EVL: variants seen among roughly 807,000 people sequenced by gnomAD.
EVL encodes the protein Enah/Vasp-like.
EVL carries 21 observed loss-of-function variants against 59.6 expected under a neutral mutation model. That is an observed-to-expected ratio of 0.35 (90% CI 0.25 to 0.51). The LOEUF (loss-of-function observed/expected upper bound fraction) is 0.51. EVL is among the 20% of genes least tolerant of loss of function. EVL has a pLI of 0.97. For missense variants in EVL, 462 were observed against 546.6 expected (o/e 0.85, Z 1.54); for synonymous variants, 198 against 203.5 (o/e 0.97, Z 0.23).
rs1357008458 is a variant in EVL at position 99,972,764 on chromosome 14, C to T, written c.5+707C>T. The stretch of plus-strand genomic sequence containing the variant: ...CTCCCAGTCGCTAAACCCTCCCTTC[C>T]TCTCCAGATCCTGTCGTGACTTTTT... On this transcript the variant is annotated intron_variant, in intron 1 of 13. Coordinates refer to the EVL transcript ENST00000402714. The surrounding 1 kb of genome is among the most constrained non-coding windows in gnomAD (Gnocchi z 4.4). 6.6e-6 allele frequency among the ~76,000 whole-genome samples: 1 copy of T among 152,100 alleles called. No individual in the cohort carries two copies. The highest frequency in any genetic ancestry group is 1.5e-5 in the Non-Finnish European group (1 of 68,014).
intron 1 of EVL, among the ~76,000 whole-genome samples, chr14:100,047,116 C>CTTT (rs1158933445): frequency 7.0e-5 from 2 of 28,418 alleles, no homozygotes; most frequent in Non-Finnish European, 1.0e-4. Flanking sequence ...AGATCTCTCT[C>CTTT]TCTTTTTTTT....
chr14:100,022,676 A>G (rs1308414448), intron 1 of EVL, among the ~76,000 whole-genome samples: 1 of 152,254 alleles, frequency 6.6e-6, no homozygotes, highest in Non-Finnish European at 1.5e-5. Flanking sequence ...TAAAAACAAC[A>G]GAATCCTGCC....
In EVL at chr14:100,143,851, C is replaced by G; in HGVS notation, c.*113C>G. On this transcript the variant is annotated 3_prime_UTR_variant, in exon 14 of 14. Transcript: ENST00000392920. ...CAGAGCACGCACAGGAGCCTGGGCG[C>G]GCTGCTGTGAAACGTCCTGACCTGT... 1 of 1,313,496 alleles carries G rather than the reference C, an allele frequency of 7.6e-7. No individual in the cohort carries two copies. The highest frequency in any genetic ancestry group is 1.1e-6 in the Non-Finnish European group (1 of 944,536). 81.4% of individuals were successfully genotyped at this position (1,313,496 alleles called of 1,614,324 possible).
chr14:100,021,161 T>C (rs189982679), intron 1 of EVL, among the ~76,000 whole-genome samples: 396 of 152,360 alleles, frequency 2.6e-3, no homozygotes, highest in African/African-American at 8.9e-3. Context: ...GAAGTACCCC[T>C]GTCTACCCTC....
At chr14:99,978,586 TA>T (rs890071782) in intron 1 of EVL, among the ~76,000 whole-genome samples, 2 of 152,214 alleles carry the variant, frequency 1.3e-5, no homozygotes, top group African/African-American at 4.8e-5. Flanking sequence ...CGTGTATATT[TA>T]CCTGTACCTG....
chr14:100,020,704 A>C (rs1447501961), intron 1 of EVL, among the ~76,000 whole-genome samples: 1 of 152,234 alleles, frequency 6.6e-6, no homozygotes, highest in African/African-American at 2.4e-5. Context: ...AGAAAACTAC[A>C]GACCTGTTAG....
chr14:100,128,400 C>T, intron 5 of EVL, 119 bp from the exon 6 acceptor site: 1 of 1,009,970 alleles, frequency 9.9e-7, no homozygotes, highest in Non-Finnish European at 1.6e-6. Context: ...GGAGCTGTTT[C>T]TCATCCCTTT....
At chr14:100,053,312 ATATAT>A (rs777760170) in intron 1 of EVL, among the ~76,000 whole-genome samples, 10 of 151,882 alleles carry the variant, frequency 6.6e-5, no homozygotes, top group African/African-American at 1.4e-4. Context: ...CTTCTAATGG[ATATAT>A]TATATTTCTT....
intron 11 of EVL, 157 bp from the exon 12 acceptor site, chr14:100,141,023 T>C (rs1951486): frequency 0.55 from 331,437 of 597,632 alleles, 96,034 homozygotes; most frequent in Admixed American, 0.61. Flanking sequence ...GGGCGTTAAA[T>C]CCTTCTCAGG....
At chr14:100,137,841 T>G in intron 11 of EVL, 39 bp downstream of exon 11, 1 of 1,599,118 alleles carries the variant, frequency 6.3e-7, no homozygotes, top group Non-Finnish European at 8.6e-7. Flanking sequence ...CCCCCAGGGT[T>G]TGGGGCTCCT....
intron 1 of EVL, among the ~76,000 whole-genome samples, chr14:100,041,201 A>G (rs1224829305): frequency 6.6e-6 from 1 of 152,192 alleles, no homozygotes; most frequent in Non-Finnish European, 1.5e-5. Context: ...AAAAGGAGGA[A>G]GTTATGATTG....
At chr14:100,104,902 CTTTTTTTTTTT>C (rs568203851) in intron 3 of EVL, among the ~76,000 whole-genome samples, 5 of 99,524 alleles carry the variant, frequency 5.0e-5, no homozygotes, top group Non-Finnish European at 9.5e-5. Context: ...CCTCTCTTTA[CTTTTTTTTTTT>C]TTTTTTTTTT....
intron 1 of EVL, among the ~76,000 whole-genome samples, chr14:100,059,117 T>C (rs2061779944): frequency 6.6e-6 from 1 of 151,386 alleles, no homozygotes; most frequent in South Asian, 2.1e-4. Flanking sequence ...TGGTAATGAC[T>C]TGCTCTCTTG....
At chr14:100,068,809 G>C (rs549014390) in intron 1 of EVL, among the ~76,000 whole-genome samples, 3 of 152,170 alleles carry the variant, frequency 2.0e-5, no homozygotes, top group Non-Finnish European at 4.4e-5. Context: ...AGCAGCACAG[G>C]TTCCCAGGAA....
chr14:100,126,595 G>T, intron 4 of EVL, 112 bp from the exon 5 acceptor site: 1 of 1,106,912 alleles, frequency 9.0e-7, no homozygotes, highest in Non-Finnish European at 1.3e-6. Flanking sequence ...CGCTTGTGGA[G>T]CGCTGGCGAA....
At chr14:100,078,995 A>G (rs891316571) in intron 1 of EVL, among the ~76,000 whole-genome samples, 1 of 152,186 alleles carries the variant, frequency 6.6e-6, no homozygotes. Flanking sequence ...CCTGCTTTCC[A>G]GGAAGGAGGA....
chr14:99,973,305 C>CT (rs1235304820), intron 1 of EVL, among the ~76,000 whole-genome samples: 1 of 152,196 alleles, frequency 6.6e-6, no homozygotes, highest in Non-Finnish European at 1.5e-5. Context: ...TATTGTCAGT[C>CT]TTAAATTTTA....
intron 1 of EVL, among the ~76,000 whole-genome samples, chr14:100,034,575 C>CA (rs11318291): frequency 1.7e-4 from 25 of 148,090 alleles, no homozygotes; most frequent in African/African-American, 4.1e-4. Flanking sequence ...CTGTCTCTAC[C>CA]AAAAAAAAAA....
At chr14:100,126,169 C>G in intron 4 of EVL, among the ~76,000 whole-genome samples, 1 of 152,210 alleles carries the variant, frequency 6.6e-6, no homozygotes, top group East Asian at 1.9e-4. Context: ...ATGTGAGTTC[C>G]CACTGCTGTG....
Sources: gnomAD v4.1 joint callset for allele counts (sites outside exome capture counted in the v4.1 genomes callset) on GRCh38, gnomAD v4.1.1 for gene constraint, Gnocchi (gnomAD v3.1) non-coding constraint, MANE v1.5 for transcripts, NCBI Gene and HGNC (gene_info 2026-07-23, HGNC 2026-07-21) for gene names.